SEPHS1: variants seen among roughly 807,000 people sequenced by gnomAD.
SEPHS1 encodes the protein zincore component SEPHS1.
A neutral mutation model predicts 39.2 loss-of-function variants in SEPHS1; 7 were observed. The ratio of observed to expected loss-of-function variants is 0.18; its 90% CI spans 0.10 to 0.34. The LOEUF (loss-of-function observed/expected upper bound fraction) is 0.34. Ranked by LOEUF, SEPHS1 falls within the 10% of genes least tolerant of loss-of-function variation. The probability of loss-of-function intolerance (pLI) is 1.00; values close to 1 mark genes in which losing one functional copy is unlikely to be tolerated. For synonymous variants in SEPHS1, 190 were observed against 195.5 expected (o/e 0.97, Z 0.23); for missense variants, 253 against 514.5 (o/e 0.49, Z 4.92).
chr10:13,322,062 A>G (rs373402883), intron 8 of SEPHS1: 1 of 455,854 alleles, frequency 2.2e-6, no homozygotes, highest in African/African-American at 2.0e-5. Flanking sequence ...AAATTACTGC[A>G]CATCTAAGAA....
At chr10:13,338,572 A>T (rs1833705772) in intron 3 of SEPHS1, 133 bp downstream of exon 3, 1 of 664,452 alleles carries the variant, frequency 1.5e-6, no homozygotes. Flanking sequence ...GAGTCTGGGC[A>T]GGGTGGGGCA....
chr10:13,346,949 T>A (rs139343136), intron 1 of SEPHS1, among the ~76,000 whole-genome samples: 2 of 152,112 alleles, frequency 1.3e-5, no homozygotes, highest in East Asian at 3.9e-4. Flanking sequence ...AGGACACAAA[T>A]CAGCCTCACA....
chr10:13,332,312 G>T (rs1833496764), intron 5 of SEPHS1, among the ~76,000 whole-genome samples: 1 of 152,210 alleles, frequency 6.6e-6, no homozygotes, highest in Non-Finnish European at 1.5e-5. Context: ...ACAATGTCCA[G>T]AACAGGCAAA....
chr10:13,328,994 G>A (rs941764289), intron 6 of SEPHS1, among the ~76,000 whole-genome samples: 7 of 152,202 alleles, frequency 4.6e-5, no homozygotes, highest in Middle Eastern at 3.2e-3. Flanking sequence ...GATGAAAGAC[G>A]TGTAATTATT....
intron 7 of SEPHS1, among the ~76,000 whole-genome samples, chr10:13,325,956 AAAAAAAAAT>A (rs1195755571): frequency 2.6e-5 from 3 of 113,928 alleles, no homozygotes; most frequent in Non-Finnish European, 5.3e-5. Context: ...CAAAAAAAAA[AAAAAAAAAT>A]AATAATAATA....
intron 7 of SEPHS1, among the ~76,000 whole-genome samples, chr10:13,326,925 C>T (rs77006996): frequency 0.095 from 14,427 of 152,140 alleles, 887 homozygotes; most frequent in African/African-American, 0.17. Flanking sequence ...TGGTACATTT[C>T]TCTGGTAGAA....
chr10:13,322,689 A>G, intron 8 of SEPHS1, 146 bp downstream of exon 8: 1 of 727,914 alleles, frequency 1.4e-6, no homozygotes, highest in Non-Finnish European at 2.3e-6. Flanking sequence ...CGGGAGGAGG[A>G]AAGGCACCAG....
At chr10:13,336,221 C>T in intron 4 of SEPHS1, 22 bp downstream of exon 4, 1 of 1,537,908 alleles carries the variant, frequency 6.5e-7, no homozygotes, top group Non-Finnish European at 9.0e-7. Flanking sequence ...GACCAGGCAG[C>T]AGCCGGGTAG....
chr10:13,338,924 G>T, intron 2 of SEPHS1, 116 bp from the exon 3 acceptor site: 1 of 749,048 alleles, frequency 1.3e-6, no homozygotes, highest in South Asian at 1.5e-5. Context: ...ACTGCAGGCT[G>T]CCAATGAAGC....
At chr10:13,320,516 G>A (rs1422501754) in intron 8 of SEPHS1, among the ~76,000 whole-genome samples, 1 of 151,624 alleles carries the variant, frequency 6.6e-6, no homozygotes, top group East Asian at 2.0e-4. Context: ...AAGATGATGA[G>A]GAAAAACTGT....
intron 7 of SEPHS1, among the ~76,000 whole-genome samples, chr10:13,327,079 A>G (rs539008280): frequency 6.6e-6 from 1 of 152,054 alleles, no homozygotes; most frequent in South Asian, 2.1e-4. Context: ...CTCTACCAAA[A>G]ATACAAAAAT....
intron 7 of SEPHS1, among the ~76,000 whole-genome samples, chr10:13,327,240 C>CAAAAAAA (rs34788028): frequency 8.5e-5 from 7 of 82,782 alleles, no homozygotes; most frequent in African/African-American, 2.7e-4. Context: ...GATTCTGTCT[C>CAAAAAAA]AAAAAAAAAA....
rs545130895 is a variant in SEPHS1, at chr10:13,332,514, G to A, written c.560+1303C>T. Among the ~76,000 whole-genome samples, 11 of 152,274 alleles carry A rather than the reference G, an allele frequency of 7.2e-5. No homozygotes were observed. In the South Asian group the frequency reaches 1.7e-3, roughly 23 times the overall value. ...CAAAATGCTGAATTCTATGTTATGT[G>A]AAATTTTGTTACGTGAATTATACTT... On this transcript the variant is annotated intron_variant, in intron 5 of 8. Coordinates refer to ENST00000327347, the MANE Select transcript of SEPHS1 (RefSeq NM_012247.5).
At chr10:13,346,427 G>T (rs12569988) in intron 1 of SEPHS1, among the ~76,000 whole-genome samples, 1 of 152,106 alleles carries the variant, frequency 6.6e-6, no homozygotes, top group East Asian at 1.9e-4. Context: ...CCCGAGTTTG[G>T]GCAGTAATCC....
chr10:13,329,280 C>T (rs1833398042), intron 6 of SEPHS1, among the ~76,000 whole-genome samples: 1 of 152,150 alleles, frequency 6.6e-6, no homozygotes, highest in African/African-American at 2.4e-5. Context: ...AACTACCAAA[C>T]AAAAACAACC....
rs1379014219 is a variant in SEPHS1 at position 13,320,146 on chromosome 10, A to G, written c.965-790T>C. On this transcript the variant is annotated intron_variant, in intron 8 of 8. Transcript: ENST00000327347. Reference sequence around the variant, plus strand: ...AAAGACAAACAGTATAAAATACATTAAAATAAACCTTTGTTGCTCTTTCCA... The same window carrying G: ...AAAGACAAACAGTATAAAATACATTGAAATAAACCTTTGTTGCTCTTTCCA... 1.3e-5 allele frequency among the ~76,000 whole-genome samples: 2 copies of G among 152,218 alleles called. 1 individual carries two copies. Among genetic ancestry groups the G allele is most frequent in the Non-Finnish European group, 2.9e-5 (2 of 68,036 alleles).
chr10:13,335,692 G>C (rs1460564169), intron 4 of SEPHS1, among the ~76,000 whole-genome samples: 1 of 134,420 alleles, frequency 7.4e-6, no homozygotes, highest in Non-Finnish European at 1.6e-5. Context: ...ATACACAAAT[G>C]CCTTGGGCCG....
At chr10:13,322,058 C>T in intron 8 of SEPHS1, 1 of 455,844 alleles carries the variant, frequency 2.2e-6, no homozygotes, top group South Asian at 1.6e-5. Context: ...TAATAAATTA[C>T]TGCACATCTA....
chr10:13,342,165 G>C (rs1833807304), intron 2 of SEPHS1, among the ~76,000 whole-genome samples: 1 of 151,912 alleles, frequency 6.6e-6, no homozygotes, highest in Non-Finnish European at 1.5e-5. Flanking sequence ...TACTCGGGAG[G>C]CTGAGGCAGG....
Sources: allele counts gnomAD v4.1 joint callset (sites outside exome capture counted in the v4.1 genomes callset), GRCh38; gene constraint gnomAD v4.1.1; transcripts MANE v1.5; gene names NCBI Gene and HGNC (gene_info 2026-07-23, HGNC 2026-07-21).